The following TTC31 variants were observed in gnomAD, a reference collection of about 807,000 sequenced individuals.
TTC31 encodes the protein tetratricopeptide repeat protein 31.
A neutral mutation model predicts 60.4 loss-of-function variants in TTC31; 59 were observed. The observed-to-expected ratio is 0.98, with a 90% confidence interval of 0.79 to 1.21. The LOEUF (loss-of-function observed/expected upper bound fraction) is 1.21, where lower values mean the gene tolerates loss of function less well. Ranked by LOEUF, TTC31 falls within the 50% of genes most tolerant of loss-of-function variation. The pLI is 0.00. For synonymous variants in TTC31, 225 were observed against 249.6 expected (o/e 0.90, Z 0.93); for missense variants, 672 against 646.9 (o/e 1.04, Z -0.42).
At position 74,493,137 on chromosome 2, in the gene TTC31, C is replaced by T. The variant is rs1208289491; in HGVS notation, c.1479C>T (p.Pro493=). The T allele has an allele frequency of 1.2e-6, 2 of 1,614,180 alleles. No homozygotes were observed. The highest frequency in any genetic ancestry group is 4.5e-5 in the East Asian group (2 of 44,884). ...QPLSQTQSRR[P]HPLKPQDPSK... ...TCTCCCAGACTCAGAGTAGAAGGCC[C>T]CATCCTCTCAAGCCCCAGGACCCTT... The change falls in exon 13 of 13, where the codon CCC becomes CCT. Residue 493 remains proline (P), a synonymous_variant. Transcript: ENST00000233623.
chr2:74,493,374 T>G lies in TTC31; in HGVS notation c.*156T>G. 1.3e-6 allele frequency: 1 copy of G among 784,920 alleles called. No homozygotes were observed. The highest frequency in any genetic ancestry group is 2.0e-6 in the Non-Finnish European group (1 of 511,754). 48.6% of individuals were successfully genotyped at this position (784,920 alleles called of 1,614,324 possible). A position where few individuals can be genotyped will look rare whatever the true frequency, so the allele number is the denominator to read the frequency against. ...ATTCCTCTTGCCATGGGGAAGCTTC[T>G]GATGAGAGAAAGGAGCCCCACATCC... On this transcript the variant is annotated 3_prime_UTR_variant, in exon 13 of 13. Coordinates refer to ENST00000233623, the MANE Select transcript of TTC31 (RefSeq NM_022492.6).
chr2:74,487,947 T>G (rs949482065), intron 2 of TTC31, among the ~76,000 whole-genome samples: 11 of 152,170 alleles, frequency 7.2e-5, no homozygotes, highest in African/African-American at 2.7e-4. Context: ...CCCAAAGTGC[T>G]GGGATTACAG....
chr2:74,488,848 TGAGGTCAAGAGTTCAA>T (rs1673474717), intron 2 of TTC31, among the ~76,000 whole-genome samples: 1 of 152,170 alleles, frequency 6.6e-6, no homozygotes. Flanking sequence ...GTGGATCACT[TGAGGTCAAGAGTTCAA>T]GACAACTTGG....
intron 2 of TTC31, 65 bp downstream of exon 2, chr2:74,483,475 G>C: frequency 6.2e-7 from 1 of 1,610,592 alleles, no homozygotes; most frequent in Non-Finnish European, 8.5e-7. Context: ...GAAGTCAGCT[G>C]TGCAGAAACC....
chr2:74,485,717 A>C (rs1158079687), intron 2 of TTC31, among the ~76,000 whole-genome samples: 1 of 151,454 alleles, frequency 6.6e-6, no homozygotes, highest in Non-Finnish European at 1.5e-5. Flanking sequence ...TGATCCGCCC[A>C]CCTCAGCCTC....
At position 74,494,011 on chromosome 2, in the gene TTC31, T is replaced by C. The variant is rs1395023170; in HGVS notation, c.*793T>C. Reference sequence around the variant, plus strand: ...CCTTTCCCCATGTTAATTTATTCAGTTTTTTCAAGGGTCAACTGAATTCCC... The same window carrying C: ...CCTTTCCCCATGTTAATTTATTCAGCTTTTTCAAGGGTCAACTGAATTCCC... On this transcript the variant is annotated 3_prime_UTR_variant, in exon 13 of 13. Transcript: ENST00000233623. 2 of 152,076 alleles carry C rather than the reference T, an allele frequency of 1.3e-5. No individual in the cohort carries two copies. The highest frequency in any genetic ancestry group is 4.8e-5 in the African/African-American group (2 of 41,390). 9.4% of individuals were successfully genotyped at this position (152,076 alleles called of 1,614,324 possible).
intron 2 of TTC31, among the ~76,000 whole-genome samples, chr2:74,487,513 C>T (rs896634518): frequency 2.4e-4 from 36 of 151,806 alleles, no homozygotes; most frequent in African/African-American, 8.7e-4. Context: ...CCACTGCACC[C>T]GGCTTTTTAT....
rs1672663743 is a variant in TTC31, at chr2:74,483,323, C to T, written c.42C>T (p.Asp14=). ...AGGCTCCGCCTTCCTTTCCTGTAGACTGCTCTCTACGGCCCAGCTGCCCAC... is the reference window on the plus strand; with the variant it reads ...AGGCTCCGCCTTCCTTTCCTGTAGATTGCTCTCTACGGCCCAGCTGCCCAC... The part of the protein sequence containing the change: ...IPKTVGRIKL[D]CSLRPSCPLE... Residue 14 remains aspartate, a splice_region_variant and synonymous_variant, in exon 2 of 13, where the codon GAC becomes GAT. Transcript: ENST00000233623. 1 of 1,614,030 alleles carries T rather than the reference C, an allele frequency of 6.2e-7. No individual in the cohort carries two copies. Among genetic ancestry groups the T allele is most frequent in the Non-Finnish European group, 8.5e-7 (1 of 1,180,050 alleles).
At chr2:74,488,578 G>A (rs563002158) in intron 2 of TTC31, among the ~76,000 whole-genome samples, 6 of 152,308 alleles carry the variant, frequency 3.9e-5, no homozygotes, top group African/African-American at 1.2e-4. Flanking sequence ...TGAGGGAGAG[G>A]TCCAAAGAAG....
intron 2 of TTC31, among the ~76,000 whole-genome samples, chr2:74,485,473 T>TC (rs1266086191): frequency 6.8e-6 from 1 of 148,142 alleles, no homozygotes; most frequent in African/African-American, 2.5e-5. Context: ...GTATTTCTTT[T>TC]TTTTTTTTTT....
At chr2:74,485,481 T>A (rs2104112717) in intron 2 of TTC31, among the ~76,000 whole-genome samples, 1 of 150,756 alleles carries the variant, frequency 6.6e-6, no homozygotes, top group South Asian at 2.1e-4. Flanking sequence ...TTTTTTTTTT[T>A]TTTTTTGAGA....
Position 74,490,136 on chromosome 2 carries a change from T to C in TTC31, c.232+9T>C, listed in dbSNP as rs755783230. The C allele has an allele frequency of 6.2e-7, 1 of 1,602,362 alleles. No individual in the cohort carries two copies. The highest frequency in any genetic ancestry group is 8.5e-7 in the Non-Finnish European group (1 of 1,174,476). ...GCAGCTGTGGCACCATGGTGGGGAG[T>C]GCAGGGACCGGGCCCAGGGATCGAG... On this transcript the variant is annotated intron_variant, in intron 3 of 12. Transcript: ENST00000233623.
rs1216041885 is a variant in TTC31 at position 74,490,336 on chromosome 2, C to T, written c.325C>T (p.Leu109Phe). 6.2e-7 allele frequency: 1 copy of T among 1,614,086 alleles called. No homozygotes were observed. The highest frequency in any genetic ancestry group is 1.1e-5 in the South Asian group (1 of 91,078). ...TGAGGGACTGGGCACCTACTGTGGT[C>T]TCCGCAAGTCCTTCCTGTATCCTCC... ...GAEGLGTYCG[L>F]RKSFLYPPQE... The change falls in exon 4 of 13, where the codon CTC becomes TTC. Residue 109 changes from leucine to phenylalanine, a missense_variant. Leu to Phe is a conservative substitution (Grantham distance 22). Transcript: ENST00000233623.
At chr2:74,491,947 A>C in intron 8 of TTC31, 57 bp from the exon 9 acceptor site, 1 of 1,612,782 alleles carries the variant, frequency 6.2e-7, no homozygotes, top group Non-Finnish European at 8.5e-7. Flanking sequence ...AACAAAGGAG[A>C]AGGATTTGGG....
chr2:74,491,920 G>T, intron 8 of TTC31, 84 bp from the exon 9 acceptor site: 1 of 1,599,006 alleles, frequency 6.3e-7, no homozygotes, highest in Non-Finnish European at 8.6e-7. Flanking sequence ...AATGCTAATT[G>T]CAGTGTTACC....
At position 74,493,338 on chromosome 2, in the gene TTC31, C is replaced by A. The variant is rs1349552979; in HGVS notation, c.*120C>A. On this transcript the variant is annotated 3_prime_UTR_variant, in exon 13 of 13. Coordinates refer to ENST00000233623, the MANE Select transcript of TTC31 (RefSeq NM_022492.6). ...TTCTCTAGATCCATAGTTAATGATG[C>A]CCTGGCAGTCATTCCTCTTGCCATG... 2.9e-6 allele frequency: 3 copies of A among 1,049,002 alleles called. No individual in the cohort carries two copies. The highest frequency in any genetic ancestry group is 4.0e-6 in the Non-Finnish European group (3 of 743,870). The allele number at this position is 1,049,002 out of a possible 1,614,324, so 65.0% of individuals were successfully genotyped here.
At chr2:74,483,236 G>A (rs986159474) in intron 1 of TTC31, 86 bp from the exon 2 acceptor site, 2 of 1,613,124 alleles carry the variant, frequency 1.2e-6, no homozygotes, top group African/African-American at 1.3e-5. Flanking sequence ...TTTATGCAGA[G>A]GGCGGAGAGT....
At chr2:74,491,809 A>G in intron 8 of TTC31, 137 bp downstream of exon 8, 3 of 1,376,214 alleles carry the variant, frequency 2.2e-6, no homozygotes, top group Non-Finnish European at 3.0e-6. Context: ...ACCTACAGTC[A>G]GGCCCCATCA....
intron 2 of TTC31, among the ~76,000 whole-genome samples, chr2:74,485,514 AG>A (rs1673001643): frequency 7.4e-6 from 1 of 135,234 alleles, no homozygotes; most frequent in Admixed American, 8.1e-5. Context: ...CCCGTTGCCC[AG>A]GCTGGAGTGC....
Sources: gnomAD v4.1 joint callset for allele counts (sites outside exome capture counted in the v4.1 genomes callset) on GRCh38, gnomAD v4.1.1 for gene constraint, MANE v1.5 for transcripts, NCBI Gene and HGNC (gene_info 2026-07-23, HGNC 2026-07-21) for gene names.